PPP1R11: variants seen among roughly 807,000 people sequenced by gnomAD.
PPP1R11 encodes protein phosphatase 1 regulatory inhibitor subunit 11, also known as E3 ubiquitin-protein ligase PPP1R11.
Under a neutral mutation model 11.3 loss-of-function variants are expected in PPP1R11, and 10 were observed. That is an observed-to-expected ratio of 0.88 (90% confidence interval 0.55 to 1.50). PPP1R11 has a LOEUF of 1.50. Ranked by LOEUF, PPP1R11 falls within the 40% of genes most tolerant of loss-of-function variation. The pLI, the probability that PPP1R11 is intolerant of heterozygous loss-of-function variation, is 0.00. For missense variants in PPP1R11, 114 were observed against 179.1 expected, an observed-to-expected ratio of 0.64 and a Z score of 2.07; for synonymous variants, 56 against 62.3, an observed-to-expected ratio of 0.90 and a Z score of 0.48.
At chr6:30,067,190 C>T, upstream of PPP1R11, 1 of 514,818 alleles carries the variant, frequency 1.9e-6, no homozygotes, top group Non-Finnish European at 3.5e-6. Context: ...AGGGGGACTG[C>T]AGTATGCGTC....
upstream of PPP1R11, among the ~76,000 whole-genome samples, chr6:30,062,714 C>CCTTTTTTTTTTTTTT (rs749507630): frequency 1.6e-3 from 68 of 42,394 alleles, 4 homozygotes; most frequent in African/African-American, 3.1e-3. Context: ...CCACGCCTGG[C>CCTTTTTTTTTTTTTT]TTTTTTTTTT....
upstream of PPP1R11, chr6:30,062,210 C>A: frequency 6.2e-7 from 1 of 1,606,000 alleles, no homozygotes; most frequent in East Asian, 2.2e-5. Flanking sequence ...CCTAACCCAC[C>A]AGTTTCTTCC....
chr6:30,063,198 A>G (rs1765256155), upstream of PPP1R11, among the ~76,000 whole-genome samples: 1 of 151,918 alleles, frequency 6.6e-6, no homozygotes. This position sits in a 1 kb window ranked among gnomAD's most constrained non-coding sequence, Gnocchi z 4.1. Context: ...ATCTCTTTTA[A>G]TATTCTCTTT....
At chr6:30,061,367 G>A in the PPP1R11 span, 943 of 766,182 alleles carry the variant, frequency 1.2e-3, 3 homozygotes, top group Middle Eastern at 3.9e-3. This position sits in a 1 kb window ranked among gnomAD's most constrained non-coding sequence, Gnocchi z 5.0. Flanking sequence ...AATTCCGGGC[G>A]TTTCGGCTCC....
chr6:30,064,688 A>G, upstream of PPP1R11: 1 of 1,609,196 alleles, frequency 6.2e-7, no homozygotes, highest in Non-Finnish European at 8.5e-7. Flanking sequence ...AGGAGAAGGA[A>G]GACTCTTGAC....
Position 30,067,246 on chromosome 6 carries a change from C to T in PPP1R11, c.-165C>T. On this transcript the variant is annotated 5_prime_UTR_variant, in exon 1 of 3. Coordinates refer to ENST00000376772, the MANE Select transcript of PPP1R11 (RefSeq NM_021959.3). Reference sequence around the variant, plus strand: ...GGAAGTGGGGTTAGCCAGGTTATCCCCAGGGGTGGAGAAGCGGAGGCCCAG... The same window carrying T: ...GGAAGTGGGGTTAGCCAGGTTATCCTCAGGGGTGGAGAAGCGGAGGCCCAG... The T allele has an allele frequency of 1.4e-6, 1 of 691,512 alleles. No individual in the cohort carries two copies. The highest frequency in any genetic ancestry group is 2.0e-5 in the South Asian group (1 of 49,580). The allele number at this position is 691,512 out of a possible 1,614,324, so 42.8% of individuals were successfully genotyped here. A position where few individuals can be genotyped will look rare whatever the true frequency, so the allele number is the denominator to read the frequency against.
chr6:30,067,332 C>T lies in PPP1R11; in HGVS notation c.-79C>T. On this transcript the variant is annotated 5_prime_UTR_variant, in exon 1 of 3. Transcript: ENST00000376772. ...TACCACTCTGAATCCGATACCGCTT[C>T]TCTTAGACCTCAGCGACAGAAAAAG... is the stretch of plus-strand genomic sequence containing the variant. The T allele has an allele frequency of 8.3e-6, 12 of 1,440,004 alleles. No individual in the cohort carries two copies. The highest frequency in any genetic ancestry group is 1.2e-5 in the Non-Finnish European group (12 of 1,026,756). The allele number at this position is 1,440,004 out of a possible 1,614,324, so 89.2% of individuals were successfully genotyped here.
chr6:30,067,881 A>G (rs1247731642), intron 1 of PPP1R11, among the ~76,000 whole-genome samples: 1 of 152,166 alleles, frequency 6.6e-6, no homozygotes, highest in South Asian at 2.1e-4. Flanking sequence ...TATTGAATGG[A>G]TGAATGTAAA....
At chr6:30,067,557 G>A (rs1765631967) in intron 1 of PPP1R11, 78 bp downstream of exon 1, 1 of 1,524,732 alleles carries the variant, frequency 6.6e-7, no homozygotes, top group Non-Finnish European at 9.1e-7. Context: ...TAGAAGAGTT[G>A]TTGGAGGAGC....
upstream of PPP1R11, chr6:30,062,477 GTTTTTTAT>G: frequency 4.7e-6 from 2 of 428,274 alleles, no homozygotes; most frequent in Non-Finnish European, 8.4e-6. Flanking sequence ...ATTTGTAGTT[GTTTTTTAT>G]TTTTTTAAGT....
At position 30,067,334 on chromosome 6, in the gene PPP1R11, C is replaced by T. The variant is rs758343304; in HGVS notation, c.-77C>T. 1.8e-5 allele frequency: 26 copies of T among 1,460,482 alleles called. No homozygotes were observed. The Admixed American group carries it at 4.1e-4, about 23-fold the overall frequency. The allele number at this position is 1,460,482 out of a possible 1,614,324, so 90.5% of individuals were successfully genotyped here. On this transcript the variant is annotated 5_prime_UTR_variant, in exon 1 of 3. Transcript: ENST00000376772. ...CCACTCTGAATCCGATACCGCTTCTCTTAGACCTCAGCGACAGAAAAAGGG... is the reference window on the plus strand; with the variant it reads ...CCACTCTGAATCCGATACCGCTTCTTTTAGACCTCAGCGACAGAAAAAGGG...
At chr6:30,066,235 T>A (rs1348655671), upstream of PPP1R11, among the ~76,000 whole-genome samples, 1 of 152,184 alleles carries the variant, frequency 6.6e-6, no homozygotes, top group Non-Finnish European at 1.5e-5. Flanking sequence ...ATATAACCAC[T>A]GCCTACCTGT....
chr6:30,064,547 G>C, upstream of PPP1R11: 1 of 725,478 alleles, frequency 1.4e-6, no homozygotes, highest in East Asian at 2.9e-5. Context: ...AGTTTGTTTA[G>C]GGGAGCCAGT....
At chr6:30,061,754 G>T (rs1022239581), upstream of PPP1R11, 4 of 1,591,636 alleles carry the variant, frequency 2.5e-6, no homozygotes, top group Non-Finnish European at 2.6e-6. This position sits in a 1 kb window ranked among gnomAD's most constrained non-coding sequence, Gnocchi z 5.0. Flanking sequence ...TTGAGGAGGG[G>T]ATCCTAGAGC....
chr6:30,063,777 A>G (rs999433499), upstream of PPP1R11, among the ~76,000 whole-genome samples: 1 of 152,188 alleles, frequency 6.6e-6, no homozygotes, highest in Non-Finnish European at 1.5e-5. This position sits in a 1 kb window ranked among gnomAD's most constrained non-coding sequence, Gnocchi z 4.1. Context: ...TTGAAGCACT[A>G]TCAAGCTGGA....
chr6:30,068,950 GGGTGGGGCCTGAGT>G (rs1190171657), intron 2 of PPP1R11, among the ~76,000 whole-genome samples, 140 bp from the exon 3 acceptor site: 1 of 152,198 alleles, frequency 6.6e-6, no homozygotes, highest in Non-Finnish European at 1.5e-5. Flanking sequence ...AGGACAAGAG[GGGTGGGGCCTGAGT>G]CCCAGAGGGT....
At chr6:30,067,626 G>T in intron 1 of PPP1R11, 147 bp downstream of exon 1, 1 of 1,014,198 alleles carries the variant, frequency 9.9e-7, no homozygotes, top group Non-Finnish European at 1.5e-6. Context: ...GAATCGGAAG[G>T]TATTGGAGCT....
At chr6:30,066,138 T>C (rs373575580), upstream of PPP1R11, among the ~76,000 whole-genome samples, 38 of 152,298 alleles carry the variant, frequency 2.5e-4, 1 homozygote, top group East Asian at 3.5e-3. Flanking sequence ...AACCTGTTCA[T>C]GTTTCTACCC....
chr6:30,069,991 A>G lies in PPP1R11; in HGVS notation c.*685A>G, dbSNP rs1466678748. 1 of 152,254 alleles carries G rather than the reference A, an allele frequency of 6.6e-6. No homozygotes were observed. Among genetic ancestry groups the G allele is most frequent in the Non-Finnish European group, 1.5e-5 (1 of 68,066 alleles). The allele number at this position is 152,254 out of a possible 1,614,324, so 9.4% of individuals were successfully genotyped here. A position where few individuals can be genotyped will look rare whatever the true frequency, so the allele number is the denominator to read the frequency against. ...AAAGCTGGCTTGAGATTGGTCACTT[A>G]GAGCCGACTGTCTCCTCTGCCTTTT... On this transcript the variant is annotated 3_prime_UTR_variant, in exon 3 of 3. Coordinates refer to ENST00000376772, the MANE Select transcript of PPP1R11 (RefSeq NM_021959.3). The surrounding 1 kb of genome is among the most constrained non-coding windows in gnomAD (Gnocchi z 6.6).
Sources: gnomAD v4.1 joint callset for allele counts (sites outside exome capture counted in the v4.1 genomes callset) on GRCh38, gnomAD v4.1.1 for gene constraint, Gnocchi (gnomAD v3.1) non-coding constraint, MANE v1.5 for transcripts, NCBI Gene and HGNC (gene_info 2026-07-23, HGNC 2026-07-21) for gene names.